The following KCTD16 variants were observed in gnomAD, a reference collection of about 807,000 sequenced individuals.
KCTD16 encodes potassium channel tetramerization domain containing 16, also known as BTB/POZ domain-containing protein KCTD16.
In KCTD16, 13 loss-of-function variants were observed where a neutral mutation model predicts 33.2. That is an observed-to-expected ratio of 0.39 (90% CI 0.25 to 0.62). KCTD16 has a LOEUF of 0.62. Among genes scored for constraint, KCTD16 ranks in the 20% least tolerant of loss-of-function variants. KCTD16 has a pLI of 0.50. For synonymous variants in KCTD16, 197 were observed against 195.3 expected (o/e 1.01, Z -0.07); for missense variants, 441 against 525.1 (o/e 0.84, Z 1.57).
At chr5:144,407,704 C>G (rs1035677537) in intron 3 of KCTD16, among the ~76,000 whole-genome samples, 1 of 152,070 alleles carries the variant, frequency 6.6e-6, no homozygotes, top group Non-Finnish European at 1.5e-5. Context: ...TGCCTCCCAC[C>G]CCCTCACAGG....
In KCTD16 at chr5:144,309,077, G is replaced by A. The variant is rs148400520; in HGVS notation, c.832+101531G>A. Among the ~76,000 whole-genome samples the A allele has an allele frequency of 1.1e-3, 165 of 152,278 alleles. 1 individual carries two copies. Among genetic ancestry groups the A allele is most frequent in the Middle Eastern group, 6.8e-3 (2 of 294 alleles). On this transcript the variant is annotated intron_variant, in intron 3 of 3. Transcript: ENST00000512467. ...TGGATCCTAATGCTCACCTACATCT[G>A]CTGTGATGAACTATCACATTTCTCA...
At chr5:144,421,785 C>T (rs1202052748) in intron 3 of KCTD16, among the ~76,000 whole-genome samples, 4 of 152,072 alleles carry the variant, frequency 2.6e-5, no homozygotes, top group African/African-American at 9.7e-5. Context: ...TAGGCTTGTT[C>T]TGGAAAACAC....
chr5:144,247,217 G>A (rs1363091983), intron 3 of KCTD16, among the ~76,000 whole-genome samples: 1 of 152,208 alleles, frequency 6.6e-6, no homozygotes, highest in East Asian at 1.9e-4. Context: ...CACAGAGTAT[G>A]ATGGAAATGA....
intron 3 of KCTD16, among the ~76,000 whole-genome samples, chr5:144,452,140 A>T (rs1303053511): frequency 1.4e-5 from 2 of 145,126 alleles, no homozygotes; most frequent in East Asian, 3.9e-4. Context: ...TTAAATATAT[A>T]TAATATTATA....
At chr5:144,338,258 A>G (rs1752540816) in intron 3 of KCTD16, among the ~76,000 whole-genome samples, 1 of 152,150 alleles carries the variant, frequency 6.6e-6, no homozygotes, top group African/African-American at 2.4e-5. Context: ...AGAGGCATTG[A>G]TTTGGGGGAT....
At chr5:144,225,802 A>G (rs1753913971) in intron 3 of KCTD16, among the ~76,000 whole-genome samples, 1 of 152,174 alleles carries the variant, frequency 6.6e-6, no homozygotes, top group Non-Finnish European at 1.5e-5. Flanking sequence ...CTTCTTTTTT[A>G]GTAGCTTGCC....
At chr5:144,462,813 G>C (rs529782450) in intron 3 of KCTD16, among the ~76,000 whole-genome samples, 2 of 152,136 alleles carry the variant, frequency 1.3e-5, no homozygotes, top group South Asian at 4.1e-4. Context: ...TGCTTTCACT[G>C]GTCATTGAAT....
chr5:144,413,620 A>G (rs1752981173), intron 3 of KCTD16, among the ~76,000 whole-genome samples: 1 of 152,200 alleles, frequency 6.6e-6, no homozygotes, highest in Non-Finnish European at 1.5e-5. Context: ...GAAGGAAATC[A>G]GGGACTATAA....
At chr5:144,416,411 C>T (rs984894336) in intron 3 of KCTD16, among the ~76,000 whole-genome samples, 1 of 152,126 alleles carries the variant, frequency 6.6e-6, no homozygotes, top group Non-Finnish European at 1.5e-5. Context: ...CAAGTTACGT[C>T]ATCATTCTGA....
chr5:144,483,974 C>G lies in KCTD16; in HGVS notation c.*9860C>G, dbSNP rs973067624. ...TTAGGTTTGAGGACATTTGAAGGAG[C>G]GATTGTTTTTTCCCCAAAATTTTGG... On this transcript the variant is annotated 3_prime_UTR_variant, in exon 4 of 4. Coordinates refer to ENST00000512467, the MANE Select transcript of KCTD16 (RefSeq NM_020768.4). 4.6e-5 allele frequency: 7 copies of G among 151,848 alleles called. No homozygotes were observed. Among genetic ancestry groups the G allele is most frequent in the Non-Finnish European group, 1.0e-4 (7 of 67,896 alleles). 9.4% of individuals were successfully genotyped at this position (151,848 alleles called of 1,614,324 possible). A position where few individuals can be genotyped will look rare whatever the true frequency, so the allele number is the denominator to read the frequency against.
In KCTD16 at chr5:144,478,365, C is replaced by T. The variant is rs1214025286; in HGVS notation, c.*4251C>T. On this transcript the variant is annotated 3_prime_UTR_variant, in exon 4 of 4. Coordinates refer to ENST00000512467, the MANE Select transcript of KCTD16 (RefSeq NM_020768.4). The stretch of plus-strand genomic sequence containing the variant: ...CCTGCTGAAAGAATAGAGTCTTAAA[C>T]TTTAATAATCACAGCCTTGTGATGC... 6.6e-6 allele frequency: 1 copy of T among 152,018 alleles called. No homozygotes were observed. The highest frequency in any genetic ancestry group is 1.5e-5 in the Non-Finnish European group (1 of 67,938). The allele number at this position is 152,018 out of a possible 1,614,324, so 9.4% of individuals were successfully genotyped here. A position where few individuals can be genotyped will look rare whatever the true frequency, so the allele number is the denominator to read the frequency against.
At chr5:144,437,685 G>A (rs748202883) in intron 3 of KCTD16, among the ~76,000 whole-genome samples, 11 of 152,070 alleles carry the variant, frequency 7.2e-5, no homozygotes, top group East Asian at 1.9e-4. Context: ...ATATCCAGCC[G>A]TTGTTTTTCC....
At chr5:144,264,505 A>G (rs1375644635) in intron 3 of KCTD16, among the ~76,000 whole-genome samples, 1 of 152,196 alleles carries the variant, frequency 6.6e-6, no homozygotes, top group Non-Finnish European at 1.5e-5. Context: ...AGTGGTGACT[A>G]TAATCCCAAC....
At chr5:144,290,342 A>G (rs962975325) in intron 3 of KCTD16, among the ~76,000 whole-genome samples, 2 of 151,508 alleles carry the variant, frequency 1.3e-5, no homozygotes, top group African/African-American at 4.9e-5. Context: ...TCAATAAAAA[A>G]CTCTATCGTA....
chr5:144,473,957 A>G lies in KCTD16; in HGVS notation c.1130A>G (p.Asn377Ser), dbSNP rs1309856758. ...CTGACTTCAGGCTCCAGGGAATCGA[A>G]CATGAGCAGCAAAAAAAAAGCTGTT... ...RTLTSGSRES[N>S]MSSKKKAVKE... The change falls in exon 4 of 4, where the codon AAC becomes AGC. Residue 377 changes from asparagine (N) to serine (S), a missense_variant. Physicochemically the swap from Asn to Ser is conservative, Grantham distance 46 (BLOSUM62 1). Coordinates refer to ENST00000512467, the MANE Select transcript of KCTD16 (RefSeq NM_020768.4). 3 of 1,613,978 alleles carry G rather than the reference A, an allele frequency of 1.9e-6. No homozygotes were observed. In the African/African-American group the frequency reaches 4.0e-5, roughly 22 times the overall value.
intron 2 of KCTD16, chr5:144,205,445 G>A: frequency 5.0e-6 from 2 of 398,592 alleles, no homozygotes; most frequent in Non-Finnish European, 4.4e-6. Context: ...CAGAGAAGCC[G>A]GAGCCCCGGG....
Position 144,405,545 on chromosome 5 carries a change from C to T in KCTD16, c.833-68115C>T, listed in dbSNP as rs75079893. Among the ~76,000 whole-genome samples, 312 of 152,274 alleles carry T rather than the reference C, an allele frequency of 2.0e-3. 2 individuals are homozygous for T. In the East Asian group the frequency reaches 0.036, roughly 18 times the overall value. On this transcript the variant is annotated intron_variant, in intron 3 of 3. Transcript: ENST00000512467. The stretch of plus-strand genomic sequence containing the variant: ...ACCTTTATTGTGCTTGAAGACTCTT[C>T]TTTAGACCCCTGTCTTAGTTTTGTT...
chr5:144,197,064 A>G (rs765913432), intron 2 of KCTD16, among the ~76,000 whole-genome samples: 2 of 152,238 alleles, frequency 1.3e-5, no homozygotes, highest in Admixed American at 6.5e-5. Flanking sequence ...TTCTAACTCC[A>G]TAACCCATCC....
At chr5:144,391,023 C>T (rs1307086484) in intron 3 of KCTD16, among the ~76,000 whole-genome samples, 1 of 152,072 alleles carries the variant, frequency 6.6e-6, no homozygotes, top group Non-Finnish European at 1.5e-5. Flanking sequence ...CCGCCACAAC[C>T]AATTGCTGCT....
Sources: gnomAD v4.1 joint callset for allele counts (sites outside exome capture counted in the v4.1 genomes callset) on GRCh38, gnomAD v4.1.1 for gene constraint, MANE v1.5 for transcripts, NCBI Gene and HGNC (gene_info 2026-07-23, HGNC 2026-07-21) for gene names.